The following ADAMTS12 variants were observed in gnomAD, a reference collection of about 807,000 sequenced individuals.
ADAMTS12 encodes the protein ADAM metallopeptidase with thrombospondin type 1 motif 12.
Under a neutral mutation model 167.8 loss-of-function variants are expected in ADAMTS12, and 118 were observed. That is an observed-to-expected ratio of 0.70 (90% CI 0.61 to 0.82). The LOEUF is 0.82. Ranked by LOEUF, ADAMTS12 falls within the 40% of genes least tolerant of loss-of-function variation. The pLI is 0.00. For missense variants in ADAMTS12, 1,916 were observed against 1,998.8 expected (o/e 0.96, Z 0.79); for synonymous variants, 704 against 716.9 (o/e 0.98, Z 0.29).
At chr5:33,565,652 C>A (rs1005151688) in intron 19 of ADAMTS12, among the ~76,000 whole-genome samples, 1 of 148,474 alleles carries the variant, frequency 6.7e-6, no homozygotes, top group African/African-American at 2.5e-5. Flanking sequence ...ATCGTTCCAC[C>A]ACTGTTGCCA....
chr5:33,856,650 A>G (rs2111671303), intron 2 of ADAMTS12, among the ~76,000 whole-genome samples: 1 of 152,304 alleles, frequency 6.6e-6, no homozygotes, highest in Middle Eastern at 3.4e-3. Context: ...CGTATATGAA[A>G]AGGTGGAAAA....
At chr5:33,621,963 G>C (rs1202896678) in intron 14 of ADAMTS12, among the ~76,000 whole-genome samples, 1 of 152,206 alleles carries the variant, frequency 6.6e-6, no homozygotes, top group Admixed American at 6.5e-5. Context: ...GAGATAATTG[G>C]AATCTTGTAA....
At chr5:33,678,715 T>C (rs190186396) in intron 5 of ADAMTS12, among the ~76,000 whole-genome samples, 1 of 152,120 alleles carries the variant, frequency 6.6e-6, no homozygotes, top group Non-Finnish European at 1.5e-5. Flanking sequence ...AGAAAACCAC[T>C]GGACTAAACG....
At position 33,562,136 on chromosome 5, in the gene ADAMTS12, T is replaced by A. The variant is rs191600325; in HGVS notation, c.3973-957A>T. On this transcript the variant is annotated intron_variant, in intron 19 of 23. Transcript: ENST00000504830. ...TAAATGCAGATTCTGATTCAGTAGG[T>A]CTGGGGAGGGGAGGCGATTGTGCCT... 1.0e-3 allele frequency among the ~76,000 whole-genome samples: 157 copies of A among 152,230 alleles called. 1 individual carries two copies. The highest frequency in any genetic ancestry group is 4.3e-3 in the Admixed American group (65 of 15,268).
At chr5:33,582,915 T>A (rs1279312490) in intron 18 of ADAMTS12, among the ~76,000 whole-genome samples, 2 of 152,256 alleles carry the variant, frequency 1.3e-5, no homozygotes, top group Non-Finnish European at 2.9e-5. Flanking sequence ...GAAACAGGCA[T>A]GCAATGTGAA....
At chr5:33,596,494 C>T (rs1737884852) in intron 16 of ADAMTS12, among the ~76,000 whole-genome samples, 1 of 152,112 alleles carries the variant, frequency 6.6e-6, no homozygotes, top group Non-Finnish European at 1.5e-5. Context: ...TCAGCCTGGC[C>T]AAAATGGTGA....
intron 3 of ADAMTS12, among the ~76,000 whole-genome samples, chr5:33,734,666 C>G (rs902666981): frequency 3.3e-5 from 5 of 152,288 alleles, no homozygotes; most frequent in East Asian, 1.9e-4. Flanking sequence ...TACTTATGCT[C>G]CAGGTTAGCA....
Position 33,641,835 on chromosome 5 carries a change from C to A in ADAMTS12, c.1693G>T (p.Ala565Ser), listed in dbSNP as rs369198358. ...SRTCGAGVQS[A>S]ERLCNNPEPK... ...TCGGGGTTGTTGCAGAGCCTCTCTG[C>A]GCTCTGGACTCCAGCCCCACAGGTC... Residue 565 changes from alanine to serine, a missense_variant, in exon 11 of 24, where the codon GCA becomes TCA. By Grantham distance (99) the Ala-to-Ser change is moderately conservative (BLOSUM62 1). Transcript: ENST00000504830. 15 of 1,612,470 alleles carry A rather than the reference C, an allele frequency of 9.3e-6. No individual in the cohort carries two copies. The highest frequency in any genetic ancestry group is 1.7e-4 in the Middle Eastern group (1 of 6,058).
intron 18 of ADAMTS12, among the ~76,000 whole-genome samples, chr5:33,579,046 G>C (rs895897186): frequency 2.0e-5 from 3 of 152,214 alleles, no homozygotes; most frequent in Non-Finnish European, 2.9e-5. Context: ...GGAGGAAACA[G>C]TCTCTTCTGG....
At chr5:33,793,729 C>T (rs12654460) in intron 2 of ADAMTS12, among the ~76,000 whole-genome samples, 2,366 of 152,216 alleles carry the variant, frequency 0.016, 91 homozygotes, top group East Asian at 0.14. Context: ...TCACTCAGCT[C>T]CCATGCAAAC....
At chr5:33,790,388 A>G (rs1308345613) in intron 2 of ADAMTS12, among the ~76,000 whole-genome samples, 1 of 152,086 alleles carries the variant, frequency 6.6e-6, no homozygotes, top group Admixed American at 6.5e-5. Context: ...CCCCGTCTCT[A>G]CTAAAAATAC....
intron 13 of ADAMTS12, among the ~76,000 whole-genome samples, chr5:33,627,327 G>T (rs529268569): frequency 6.7e-6 from 1 of 149,554 alleles, no homozygotes; most frequent in South Asian, 2.2e-4. Flanking sequence ...GGGATGGTTG[G>T]GTGATGGAAG....
chr5:33,869,834 T>C (rs982851019), intron 2 of ADAMTS12, among the ~76,000 whole-genome samples: 2 of 152,156 alleles, frequency 1.3e-5, no homozygotes, highest in African/African-American at 4.8e-5. Flanking sequence ...TAAAATTTAC[T>C]AGGCAGGAAT....
intron 6 of ADAMTS12, among the ~76,000 whole-genome samples, chr5:33,661,559 T>C (rs1398857549): frequency 1.3e-5 from 2 of 152,212 alleles, no homozygotes; most frequent in Non-Finnish European, 2.9e-5. Context: ...GAAATCCCAC[T>C]GGTTAAAAGT....
intron 9 of ADAMTS12, among the ~76,000 whole-genome samples, chr5:33,647,685 C>T (rs1204916613): frequency 1.3e-5 from 2 of 152,192 alleles, no homozygotes; most frequent in Non-Finnish European, 2.9e-5. Flanking sequence ...GAGCCAAGAT[C>T]ATGCCACTGC....
At chr5:33,786,549 C>T (rs573692701) in intron 2 of ADAMTS12, among the ~76,000 whole-genome samples, 3 of 151,890 alleles carry the variant, frequency 2.0e-5, no homozygotes, top group South Asian at 4.2e-4. Context: ...GGAGGCTGTA[C>T]GTACTTTGCA....
intron 3 of ADAMTS12, among the ~76,000 whole-genome samples, chr5:33,729,177 A>G (rs181636168): frequency 9.3e-4 from 142 of 152,350 alleles, no homozygotes; most frequent in African/African-American, 3.3e-3. Context: ...CTGGGACACA[A>G]TAACATTTTA....
In ADAMTS12 at chr5:33,534,925, T is replaced by C. The variant is rs758958823; in HGVS notation, c.4514A>G (p.Lys1505Arg). Residue 1505 changes from lysine to arginine, a missense_variant, in exon 23 of 24, where the codon AAA becomes AGA. Lys to Arg is a conservative substitution (Grantham distance 26, BLOSUM62 2). Transcript: ENST00000504830. ...TVQCVPSEGN[K>R]TEDQDQCLCD... ...TAGACATTGGTCTTGGTCTTCAGTT[T>C]TATTGCCCTCTGAGGGCACACATTG... The C allele has an allele frequency of 6.2e-7, 1 of 1,614,096 alleles. No individual in the cohort carries two copies. The highest frequency in any genetic ancestry group is 1.1e-5 in the South Asian group (1 of 91,062).
chr5:33,724,432 A>G (rs1743903255), intron 3 of ADAMTS12, among the ~76,000 whole-genome samples: 1 of 151,500 alleles, frequency 6.6e-6, no homozygotes, highest in South Asian at 2.1e-4. Flanking sequence ...TCCATATCTT[A>G]AACGATTCTG....
Sources: gnomAD v4.1 joint callset for allele counts (sites outside exome capture counted in the v4.1 genomes callset) on GRCh38, gnomAD v4.1.1 for gene constraint, MANE v1.5 for transcripts, NCBI Gene and HGNC (gene_info 2026-07-23, HGNC 2026-07-21) for gene names.